Variants in DTD1 observed in about 807,000 individuals in gnomAD.
DTD1 encodes D-tyrosyl-tRNA deacylase 1 homolog.
In DTD1, 13 loss-of-function variants were observed where a neutral mutation model predicts 25.6. The observed-to-expected ratio is 0.51, with a 90% CI of 0.33 to 0.81. DTD1 has a LOEUF of 0.81. DTD1 is among the 30% of genes least tolerant of loss of function. The pLI, the probability that DTD1 is intolerant of heterozygous loss-of-function variation, is 0.02. For synonymous variants in DTD1, 110 were observed against 103.6 expected (o/e 1.06, Z -0.37); for missense variants, 193 against 266.4 (o/e 0.72, Z 1.92).
At chr20:18,688,768 C>T (rs1305939621) in intron 4 of DTD1, among the ~76,000 whole-genome samples, 3 of 151,940 alleles carry the variant, frequency 2.0e-5, no homozygotes, top group Non-Finnish European at 2.9e-5. Flanking sequence ...GCCAAGATCT[C>T]CTTCCAGGAA....
chr20:18,728,783 C>T (rs1157935862), intron 4 of DTD1, among the ~76,000 whole-genome samples: 1 of 152,146 alleles, frequency 6.6e-6, no homozygotes, highest in Non-Finnish European at 1.5e-5. Context: ...CTGCCTGGGT[C>T]CCCTGGGTCT....
intron 4 of DTD1, among the ~76,000 whole-genome samples, chr20:18,629,021 AG>A (rs2060771598): frequency 9.2e-6 from 1 of 108,498 alleles, no homozygotes; most frequent in Non-Finnish European, 1.7e-5. Flanking sequence ...TTTGAGATGG[AG>A]TCTCGCTCTT....
intron 4 of DTD1, among the ~76,000 whole-genome samples, chr20:18,667,344 G>C (rs1322697210): frequency 1.3e-5 from 2 of 152,234 alleles, no homozygotes; most frequent in Non-Finnish European, 2.9e-5. Flanking sequence ...AGGGACTGCA[G>C]AGTTCAAAGA....
chr20:18,657,013 G>T (rs1242420180), intron 4 of DTD1, among the ~76,000 whole-genome samples: 2 of 152,016 alleles, frequency 1.3e-5, no homozygotes, highest in East Asian at 1.9e-4. Context: ...TTCCTTAATG[G>T]TTGTTTTTTT....
At chr20:18,715,044 C>A (rs1444239049) in intron 4 of DTD1, among the ~76,000 whole-genome samples, 1 of 152,156 alleles carries the variant, frequency 6.6e-6, no homozygotes, top group Non-Finnish European at 1.5e-5. Flanking sequence ...TCAGTGACAG[C>A]CTGAGGACCA....
At chr20:18,660,162 G>C (rs1053631274) in intron 4 of DTD1, among the ~76,000 whole-genome samples, 3 of 152,090 alleles carry the variant, frequency 2.0e-5, no homozygotes, top group Non-Finnish European at 2.9e-5. Flanking sequence ...AGCTGAGATT[G>C]CACCACTGCA....
At chr20:18,602,193 A>G (rs1380039208) in intron 3 of DTD1, among the ~76,000 whole-genome samples, 1 of 119,262 alleles carries the variant, frequency 8.4e-6, no homozygotes, top group Non-Finnish European at 1.8e-5. Context: ...GATGAAATGA[A>G]TGAAATGAAG....
intron 4 of DTD1, among the ~76,000 whole-genome samples, chr20:18,667,787 G>A (rs911738275): frequency 1.3e-5 from 2 of 152,054 alleles, no homozygotes; most frequent in Non-Finnish European, 2.9e-5. Context: ...CCACCTGAGC[G>A]CCCTCTCCCT....
At chr20:18,636,279 TTTAG>T (rs1278552038) in intron 4 of DTD1, among the ~76,000 whole-genome samples, 2 of 152,210 alleles carry the variant, frequency 1.3e-5, no homozygotes, top group Non-Finnish European at 2.9e-5. Flanking sequence ...ATAGCAATAA[TTTAG>T]TTAAACAGAC....
At chr20:18,621,860 C>T (rs1003202037) in intron 3 of DTD1, among the ~76,000 whole-genome samples, 5 of 152,042 alleles carry the variant, frequency 3.3e-5, no homozygotes, top group Admixed American at 6.5e-5. Context: ...GTCAGGAGAT[C>T]GAGACTATCC....
At chr20:18,735,230 G>A (rs1175608062) in intron 4 of DTD1, among the ~76,000 whole-genome samples, 7 of 152,182 alleles carry the variant, frequency 4.6e-5, no homozygotes, top group Non-Finnish European at 7.3e-5. Context: ...GATTTTGCTC[G>A]TATGCAGGAC....
At chr20:18,703,728 GT>G (rs11378992) in intron 4 of DTD1, among the ~76,000 whole-genome samples, 4,114 of 113,210 alleles carry the variant, frequency 0.036, 186 homozygotes, top group African/African-American at 0.11. Flanking sequence ...ATAGTATTCA[GT>G]TTTTTTTTTT....
intron 4 of DTD1, among the ~76,000 whole-genome samples, chr20:18,634,487 G>A (rs1409219321): frequency 6.6e-6 from 1 of 152,240 alleles, no homozygotes; most frequent in Non-Finnish European, 1.5e-5. Context: ...ACATGTTTGA[G>A]TTAACGGACG....
At chr20:18,754,158 C>T (rs2061330681) in intron 5 of DTD1, among the ~76,000 whole-genome samples, 1 of 152,166 alleles carries the variant, frequency 6.6e-6, no homozygotes, top group African/African-American at 2.4e-5. Flanking sequence ...GCTTAAATGG[C>T]CTGAAGCCAG....
At chr20:18,690,984 C>T (rs2061044455) in intron 4 of DTD1, among the ~76,000 whole-genome samples, 1 of 152,174 alleles carries the variant, frequency 6.6e-6, no homozygotes, top group Non-Finnish European at 1.5e-5. Flanking sequence ...CAAAAGAAGT[C>T]ATATGCATGG....
In DTD1 at chr20:18,708,323, T is replaced by TATATAATATATATATA. The variant is rs2061143355; in HGVS notation, c.478-35772_478-35771insATATATATATAATATA. ...ATATATATATTTTATATATATATTA[T>TATATAATATATATATA]ATATATATATTTTATATATATATTA... On this transcript the variant is annotated intron_variant, in intron 4 of 5. Coordinates refer to ENST00000377452, the MANE Select transcript of DTD1 (RefSeq NM_080820.6). 1.2e-4 allele frequency among the ~76,000 whole-genome samples: 5 copies of TATATAATATATATATA among 42,456 alleles called. 1 individual carries two copies. The highest frequency in any genetic ancestry group is 2.0e-4 in the Non-Finnish European group (4 of 19,658). 27.9% of individuals were successfully genotyped at this position (42,456 alleles called of 152,430 possible). A position where few individuals can be genotyped will look rare whatever the true frequency, so the allele number is the denominator to read the frequency against.
rs2061314001 is a variant in DTD1, at chr20:18,749,555, C to T, written c.*19+5284C>T. Reference sequence around the variant, plus strand: ...AGGTCTCAGCTGTGACCTCCACTGGCCTCCTGGATGAGACTTGCAGGGGTC... The same window carrying T: ...AGGTCTCAGCTGTGACCTCCACTGGTCTCCTGGATGAGACTTGCAGGGGTC... On this transcript the variant is annotated intron_variant, in intron 5 of 5. Transcript: ENST00000377452. This position sits in a 1 kb window ranked among gnomAD's most constrained non-coding sequence, Gnocchi z 4.2. Among the ~76,000 whole-genome samples the T allele has an allele frequency of 6.6e-6, 1 of 152,164 alleles. No individual in the cohort carries two copies. Among genetic ancestry groups the T allele is most frequent in the South Asian group, 2.1e-4 (1 of 4,828 alleles).
chr20:18,740,309 G>GTTTTT (rs1223474867), intron 4 of DTD1, among the ~76,000 whole-genome samples: 5 of 147,490 alleles, frequency 3.4e-5, no homozygotes, highest in East Asian at 4.0e-4. Flanking sequence ...TTCACATTTT[G>GTTTTT]TTTTTTTTTT....
chr20:18,657,858 G>A (rs1197105058), intron 4 of DTD1, among the ~76,000 whole-genome samples: 1 of 152,198 alleles, frequency 6.6e-6, no homozygotes, highest in East Asian at 1.9e-4. Flanking sequence ...GGTGCTGAGT[G>A]AGCAGTTCAA....
Sources: allele counts gnomAD v4.1 joint callset (sites outside exome capture counted in the v4.1 genomes callset), GRCh38; gene constraint gnomAD v4.1.1; non-coding constraint Gnocchi (gnomAD v3.1); transcripts MANE v1.5; gene names NCBI Gene and HGNC (gene_info 2026-07-23, HGNC 2026-07-21).